WNT7A: variants seen among roughly 807,000 people sequenced by gnomAD.
The protein encoded by WNT7A is Wnt family member 7A, also known as protein Wnt-7a.
Under a neutral mutation model 28.2 loss-of-function variants are expected in WNT7A, and 16 were observed. The observed-to-expected ratio is 0.57, with a 90% CI of 0.38 to 0.86. The LOEUF (loss-of-function observed/expected upper bound fraction) is 0.86. WNT7A is among the 40% of genes least tolerant of loss of function. The pLI is 0.00. For synonymous variants in WNT7A, 190 were observed against 195.9 expected (o/e 0.97, Z 0.25); for missense variants, 411 against 489.7 (o/e 0.84, Z 1.52).
intron 2 of WNT7A, among the ~76,000 whole-genome samples, chr3:13,859,283 TG>T (rs1341314357): frequency 6.6e-6 from 1 of 152,144 alleles, no homozygotes; most frequent in East Asian, 1.9e-4. Flanking sequence ...CTCCAAAATG[TG>T]TGAGGGGTGA....
At chr3:13,869,832 C>A (rs1695004509) in intron 2 of WNT7A, among the ~76,000 whole-genome samples, 1 of 152,170 alleles carries the variant, frequency 6.6e-6, no homozygotes, top group African/African-American at 2.4e-5. Context: ...CCACACACCC[C>A]ACTCAAACAA....
chr3:13,819,852 T>C (rs1694082108), intron 3 of WNT7A, among the ~76,000 whole-genome samples: 1 of 152,210 alleles, frequency 6.6e-6, no homozygotes, highest in African/African-American at 2.4e-5. Flanking sequence ...ATGTTTTTCA[T>C]TTAAACTTTA....
intron 2 of WNT7A, among the ~76,000 whole-genome samples, chr3:13,861,653 GT>G (rs1559304651): frequency 6.6e-6 from 1 of 152,208 alleles, no homozygotes; most frequent in African/African-American, 2.4e-5. Context: ...CCCTGGTGTG[GT>G]GTGGTCAGCT....
chr3:13,854,943 A>C, intron 2 of WNT7A, 140 bp from the exon 3 acceptor site: 1 of 1,145,008 alleles, frequency 8.7e-7, no homozygotes, highest in African/African-American at 1.5e-5. Context: ...CCTAACTTCC[A>C]ACAAAGCTCC....
chr3:13,856,919 AGAAGAAGAAGAAG>A (rs1694746640), intron 2 of WNT7A, among the ~76,000 whole-genome samples: 2 of 101,494 alleles, frequency 2.0e-5, no homozygotes, highest in Non-Finnish European at 3.7e-5. Context: ...AAGAAGAAGA[AGAAGAAGAAGAAG>A]AAGAAGAAGA....
chr3:13,847,224 G>A (rs1694551449), intron 3 of WNT7A, among the ~76,000 whole-genome samples: 1 of 152,170 alleles, frequency 6.6e-6, no homozygotes, highest in Admixed American at 6.5e-5. Flanking sequence ...GGTCTAGTCT[G>A]GGCTCCTTTC....
chr3:13,865,233 G>T (rs1276740362), intron 2 of WNT7A, among the ~76,000 whole-genome samples: 3 of 152,160 alleles, frequency 2.0e-5, no homozygotes, highest in Admixed American at 6.5e-5. Flanking sequence ...TAATATGCCG[G>T]CAGGCACCCT....
chr3:13,827,976 T>A (rs1694223104), intron 3 of WNT7A, among the ~76,000 whole-genome samples: 1 of 152,142 alleles, frequency 6.6e-6, no homozygotes, highest in African/African-American at 2.4e-5. Context: ...CAGAGCCACC[T>A]GTCCCAGCCC....
At chr3:13,847,530 T>C (rs1486037995) in intron 3 of WNT7A, among the ~76,000 whole-genome samples, 3 of 152,170 alleles carry the variant, frequency 2.0e-5, no homozygotes, top group Non-Finnish European at 4.4e-5. Flanking sequence ...ACAGCTTTCC[T>C]TGGCACTGTC....
intron 1 of WNT7A, 104 bp from the exon 2 acceptor site, chr3:13,875,277 AGTG>A (rs1695092682): frequency 4.2e-6 from 5 of 1,199,856 alleles, no homozygotes; most frequent in Non-Finnish European, 6.0e-6. Context: ...TGCCCCCAGC[AGTG>A]GTCTCCCAAC....
chr3:13,867,147 G>A (rs368699339), intron 2 of WNT7A, among the ~76,000 whole-genome samples: 8 of 152,098 alleles, frequency 5.3e-5, no homozygotes, highest in African/African-American at 9.7e-5. Flanking sequence ...CTTACATCCC[G>A]TATCATGTAA....
chr3:13,879,391 T>C (rs1241764709), intron 1 of WNT7A, among the ~76,000 whole-genome samples: 2 of 152,130 alleles, frequency 1.3e-5, no homozygotes, highest in Non-Finnish European at 1.5e-5. Context: ...TTGATGTTCC[T>C]GCTAGACCTG....
intron 2 of WNT7A, among the ~76,000 whole-genome samples, chr3:13,856,802 A>C (rs1694736116): frequency 6.6e-6 from 1 of 151,716 alleles, no homozygotes; most frequent in South Asian, 2.1e-4. Flanking sequence ...TGGGTGACAG[A>C]GCGAAACTCC....
rs148370903 is a variant in WNT7A, at chr3:13,848,375, A to G, written c.570+6157T>C. Among the ~76,000 whole-genome samples, 80 of 152,346 alleles carry G rather than the reference A, an allele frequency of 5.3e-4. 1 individual carries two copies. The East Asian group carries it at 0.015, about 29-fold the overall frequency. On this transcript the variant is annotated intron_variant, in intron 3 of 3. Transcript: ENST00000285018. ...AGTATATAAAGAAATATCCAAACTC[A>G]CCAGTTAAAAAAGTAAACTACCTAC...
intron 2 of WNT7A, among the ~76,000 whole-genome samples, chr3:13,873,222 A>G (rs1695051871): frequency 6.6e-6 from 1 of 152,030 alleles, no homozygotes; most frequent in South Asian, 2.1e-4. Flanking sequence ...GAAGAGGGAA[A>G]AGCAGGGCAG....
At chr3:13,867,804 G>A (rs1559306611) in intron 2 of WNT7A, among the ~76,000 whole-genome samples, 1 of 152,214 alleles carries the variant, frequency 6.6e-6, no homozygotes, top group Non-Finnish European at 1.5e-5. Flanking sequence ...GGTAACTCGT[G>A]GAAGAGCGAA....
intron 1 of WNT7A, among the ~76,000 whole-genome samples, chr3:13,879,336 C>T (rs765577204): frequency 6.6e-6 from 1 of 152,202 alleles, no homozygotes; most frequent in African/African-American, 2.4e-5. Flanking sequence ...GAGTTCGTCT[C>T]GGGCTCCGGG....
Position 13,875,026 on chromosome 3 carries a change from A to T in WNT7A, c.219T>A (p.Cys73Ter). ...AGCGGCCATTGCGGAACTGAAACTG[A>T]CACTCGTCCAGGCCCATTTGTGAGC... ...GEGSQMGLDE[C>*]QFQFRNGRWN... Residue 73 changes from cysteine (C) to a stop codon, truncating the protein, a stop_gained, in exon 2 of 4, where the codon TGT (cysteine) becomes TGA (stop). Transcript: ENST00000285018. LOFTEE classifies it high-confidence loss of function. 3 of 1,614,216 alleles carry T rather than the reference A, an allele frequency of 1.9e-6. No individual in the cohort carries two copies. The highest frequency in any genetic ancestry group is 2.5e-6 in the Non-Finnish European group (3 of 1,180,042).
At chr3:13,844,208 C>G (rs1261046856) in intron 3 of WNT7A, among the ~76,000 whole-genome samples, 1 of 152,168 alleles carries the variant, frequency 6.6e-6, no homozygotes, top group Non-Finnish European at 1.5e-5. Flanking sequence ...ATGCTTTTTA[C>G]CTGGTCAACC....
Sources: allele counts gnomAD v4.1 joint callset (sites outside exome capture counted in the v4.1 genomes callset), GRCh38; gene constraint gnomAD v4.1.1; transcripts MANE v1.5; gene names NCBI Gene and HGNC (gene_info 2026-07-23, HGNC 2026-07-21).